The following ARMH3 variants were observed in gnomAD, a reference collection of about 807,000 sequenced individuals.
ARMH3 encodes armadillo-like helical domain-containing protein 3.
A neutral mutation model predicts 99.1 loss-of-function variants in ARMH3; 60 were observed. That is an observed-to-expected ratio of 0.61 (90% CI 0.49 to 0.75). The LOEUF (loss-of-function observed/expected upper bound fraction) is 0.75, where lower values mean the gene tolerates loss of function less well. ARMH3 is among the 30% of genes least tolerant of loss of function. ARMH3 has a pLI of 0.00. For synonymous variants in ARMH3, 285 were observed against 292.8 expected (o/e 0.97, Z 0.27); for missense variants, 679 against 843.1 (o/e 0.81, Z 2.41).
At chr10:102,033,697 C>A (rs1229849415) in intron 2 of ARMH3, among the ~76,000 whole-genome samples, 1 of 152,166 alleles carries the variant, frequency 6.6e-6, no homozygotes, top group African/African-American at 2.4e-5. Flanking sequence ...GGATTACAGG[C>A]GTGAGCCACC....
At chr10:101,992,227 G>T (rs534508367) in intron 17 of ARMH3, among the ~76,000 whole-genome samples, 189 bp from the exon 18 acceptor site, 231 of 152,250 alleles carry the variant, frequency 1.5e-3, no homozygotes, top group Non-Finnish European at 1.2e-3. Context: ...ACTTGTGAAT[G>T]CTTCAGTTAT....
intron 22 of ARMH3, among the ~76,000 whole-genome samples, chr10:101,943,215 C>A (rs1844321537): frequency 6.6e-6 from 1 of 152,180 alleles, no homozygotes; most frequent in Non-Finnish European, 1.5e-5. Flanking sequence ...GACAGCTCTG[C>A]AGATCCCTTA....
At chr10:102,013,157 T>G (rs2066669729) in intron 9 of ARMH3, among the ~76,000 whole-genome samples, 1 of 152,186 alleles carries the variant, frequency 6.6e-6, no homozygotes, top group African/African-American at 2.4e-5. Context: ...TTCACTGGGA[T>G]CATTTTCACT....
chr10:101,895,672 G>T lies in ARMH3; in HGVS notation c.1782-6182C>A, dbSNP rs1194828389. On this transcript the variant is annotated intron_variant, in intron 23 of 25. Transcript: ENST00000370033. ...AAACACCAAAAGCACAAATGAAAAA[G>T]AAAAAGTGGATCAATCTGAAGTTTA... Among the ~76,000 whole-genome samples the T allele has an allele frequency of 2.6e-5, 4 of 152,176 alleles. No homozygotes were observed. In the East Asian group the frequency reaches 7.7e-4, roughly 29 times the overall value.
At chr10:102,030,661 A>G (rs1280028904) in intron 4 of ARMH3, among the ~76,000 whole-genome samples, 1 of 152,132 alleles carries the variant, frequency 6.6e-6, no homozygotes, top group Non-Finnish European at 1.5e-5. Flanking sequence ...GTGAGCCGAG[A>G]TCGCTCCATT....
At chr10:101,916,427 A>G (rs1283916272) in intron 23 of ARMH3, among the ~76,000 whole-genome samples, 1 of 152,192 alleles carries the variant, frequency 6.6e-6, no homozygotes, top group Non-Finnish European at 1.5e-5. Flanking sequence ...TGTAAGAAAT[A>G]TGAAGAAAAT....
intron 16 of ARMH3, 26 bp downstream of exon 16, chr10:101,995,271 A>G: frequency 6.2e-7 from 1 of 1,600,970 alleles, no homozygotes; most frequent in Non-Finnish European, 8.6e-7. Flanking sequence ...AAGACTGCCT[A>G]ATAGCAGAAG....
intron 23 of ARMH3, among the ~76,000 whole-genome samples, chr10:101,921,548 CTATTCACAATAGCAAAGA>C (rs903576491): frequency 1.3e-5 from 2 of 152,072 alleles, no homozygotes; most frequent in African/African-American, 2.4e-5. Flanking sequence ...TTTACTGCAG[CTATTCACAATAGCAAAGA>C]TATGGAATCA....
chr10:101,937,519 CAAAAAAAAAA>C (rs1231569417), intron 23 of ARMH3, among the ~76,000 whole-genome samples: 1 of 92,676 alleles, frequency 1.1e-5, no homozygotes, highest in Admixed American at 1.2e-4. Flanking sequence ...ACCCTGTCTC[CAAAAAAAAAA>C]AAAAAAGAAG....
At chr10:101,993,473 C>T (rs1846904325) in intron 17 of ARMH3, 65 bp downstream of exon 17, 3 of 1,280,818 alleles carry the variant, frequency 2.3e-6, no homozygotes, top group Non-Finnish European at 3.3e-6. Flanking sequence ...TCAATTTCAT[C>T]CCAACCCTGC....
intron 22 of ARMH3, among the ~76,000 whole-genome samples, chr10:101,951,654 G>T (rs992131892): frequency 6.6e-6 from 1 of 152,046 alleles, no homozygotes; most frequent in Admixed American, 6.6e-5. Context: ...ATCACTTGAG[G>T]TTGGGAGTTC....
intron 24 of ARMH3, among the ~76,000 whole-genome samples, chr10:101,882,392 G>A (rs1194013176): frequency 6.6e-6 from 1 of 152,172 alleles, no homozygotes; most frequent in African/African-American, 2.4e-5. Context: ...CCATGTCACA[G>A]CATTTGTAAA....
intron 23 of ARMH3, among the ~76,000 whole-genome samples, chr10:101,924,668 TTAA>T (rs1484534675): frequency 9.9e-5 from 15 of 152,036 alleles, no homozygotes; most frequent in Non-Finnish European, 2.1e-4. Flanking sequence ...TTACATTTTC[TTAA>T]TAATAAGCAA....
chr10:101,997,416 A>C (rs1199951557), intron 15 of ARMH3, among the ~76,000 whole-genome samples: 1 of 151,928 alleles, frequency 6.6e-6, no homozygotes, highest in Non-Finnish European at 1.5e-5. Context: ...ACATGGTGAA[A>C]CCCCATCTCT....
Position 102,025,158 on chromosome 10 carries a change from T to C in ARMH3, c.505A>G (p.Thr169Ala). Reference sequence around the variant, plus strand: ...CTTGACAAACATAGGTCACTTACGGTCACTAAGCAAAGGAGAAGTTTCAGA... The same window carrying C: ...CTTGACAAACATAGGTCACTTACGGCCACTAAGCAAAGGAGAAGTTTCAGA... ...LCLKLLLCLV[T>A]VTDNISQNTI... The change falls in exon 6 of 26, where the codon ACC becomes GCC. Residue 169 changes from threonine to alanine, a missense_variant and splice_region_variant. Transcript: ENST00000370033. 6.2e-7 allele frequency: 1 copy of C among 1,611,682 alleles called. No homozygotes were observed. Among genetic ancestry groups the C allele is most frequent in the East Asian group, 2.2e-5 (1 of 44,830 alleles).
At chr10:101,906,285 T>A (rs1589996716) in intron 23 of ARMH3, among the ~76,000 whole-genome samples, 1 of 152,214 alleles carries the variant, frequency 6.6e-6, no homozygotes, top group East Asian at 1.9e-4. Flanking sequence ...AGGGGTGAAG[T>A]TACTGGGTCA....
chr10:101,908,909 C>T (rs892575175), intron 23 of ARMH3, among the ~76,000 whole-genome samples: 13 of 151,784 alleles, frequency 8.6e-5, no homozygotes, highest in African/African-American at 3.1e-4. Flanking sequence ...GCGATCCACC[C>T]GCCTCAGCCT....
intron 24 of ARMH3, among the ~76,000 whole-genome samples, chr10:101,876,242 C>T (rs1367934805): frequency 5.8e-5 from 4 of 68,758 alleles, no homozygotes; most frequent in Admixed American, 4.9e-4. Context: ...AGCAAGGCTC[C>T]ATCTCAAAAA....
chr10:102,005,820 T>C (rs1590170541), intron 14 of ARMH3, among the ~76,000 whole-genome samples: 2 of 152,152 alleles, frequency 1.3e-5, no homozygotes, highest in South Asian at 4.1e-4. Flanking sequence ...GAAGGGGAAA[T>C]TTTCACCGTT....
Sources: allele counts gnomAD v4.1 joint callset (sites outside exome capture counted in the v4.1 genomes callset), GRCh38; gene constraint gnomAD v4.1.1; transcripts MANE v1.5; gene names NCBI Gene and HGNC (gene_info 2026-07-23, HGNC 2026-07-21).